Variants in DNAH3 observed in about 807,000 individuals in gnomAD.
DNAH3 encodes the protein axonemal beta dynein heavy chain 3.
DNAH3 carries 332 observed loss-of-function variants against 432.5 expected under a neutral mutation model. That is an observed-to-expected ratio of 0.77 (90% confidence interval 0.70 to 0.84). The LOEUF (loss-of-function observed/expected upper bound fraction) is 0.84. Among genes scored for constraint, DNAH3 ranks in the 40% least tolerant of loss-of-function variants. The probability of loss-of-function intolerance (pLI) is 0.00; values close to 1 mark genes in which losing one functional copy is unlikely to be tolerated. For synonymous variants in DNAH3, 1,956 were observed against 1,900.2 expected (o/e 1.03, Z -0.76); for missense variants, 4,861 against 5,114.0 (o/e 0.95, Z 1.51).
At chr16:20,988,960 C>A (rs968032868) in intron 44 of DNAH3, among the ~76,000 whole-genome samples, 7 of 152,140 alleles carry the variant, frequency 4.6e-5, no homozygotes, top group African/African-American at 1.7e-4. Context: ...GACTCGTGGT[C>A]TCGCTGGCTT....
At chr16:20,973,734 C>T (rs942733907) in intron 51 of DNAH3, among the ~76,000 whole-genome samples, 4 of 152,230 alleles carry the variant, frequency 2.6e-5, no homozygotes, top group Non-Finnish European at 5.9e-5. Flanking sequence ...CAAGAATCAC[C>T]TTCAAGCGGG....
At chr16:21,045,594 T>C (rs2089657314) in intron 31 of DNAH3, among the ~76,000 whole-genome samples, 1 of 148,742 alleles carries the variant, frequency 6.7e-6, no homozygotes, top group Non-Finnish European at 1.5e-5. Flanking sequence ...GCTAGCAGTC[T>C]ATCAATTTTG....
intron 6 of DNAH3, among the ~76,000 whole-genome samples, chr16:21,135,138 G>C (rs938153595): frequency 6.6e-6 from 1 of 152,044 alleles, no homozygotes; most frequent in African/African-American, 2.4e-5. Context: ...GTGACTTCAC[G>C]GTGTGGAGCA....
intron 54 of DNAH3, among the ~76,000 whole-genome samples, chr16:20,957,934 T>C (rs1278699279): frequency 6.6e-6 from 1 of 151,314 alleles, no homozygotes; most frequent in African/African-American, 2.4e-5. Flanking sequence ...AAACTGAGGT[T>C]TAGCTTTGTT....
chr16:21,062,768 G>T (rs1302373547), intron 24 of DNAH3, 85 bp from the exon 25 acceptor site: 20 of 1,007,732 alleles, frequency 2.0e-5, no homozygotes, highest in Non-Finnish European at 2.9e-5. Context: ...CAGGTAGTCC[G>T]CACCTACGTG....
intron 31 of DNAH3, among the ~76,000 whole-genome samples, chr16:21,047,738 G>A (rs1318190617): frequency 6.6e-5 from 10 of 152,068 alleles, no homozygotes; most frequent in Admixed American, 2.6e-4. Flanking sequence ...TTCCTTTGGA[G>A]GAGGAGAGGT....
chr16:21,026,660 C>T (rs550639475), intron 38 of DNAH3, among the ~76,000 whole-genome samples: 35 of 137,504 alleles, frequency 2.5e-4, no homozygotes, highest in African/African-American at 8.5e-4. Flanking sequence ...GAGATCATGC[C>T]ACGGGACTCC....
At chr16:21,144,238 T>A (rs1274152764) in intron 3 of DNAH3, among the ~76,000 whole-genome samples, 1 of 152,070 alleles carries the variant, frequency 6.6e-6, no homozygotes, top group Non-Finnish European at 1.5e-5. Flanking sequence ...AACTAGTGAC[T>A]CCTAACAAAT....
At chr16:20,982,182 G>A (rs569467125) in intron 49 of DNAH3, among the ~76,000 whole-genome samples, 9 of 151,868 alleles carry the variant, frequency 5.9e-5, no homozygotes, top group Non-Finnish European at 7.4e-5. Flanking sequence ...TCAGGAGTTC[G>A]AGACCACCCT....
intron 16 of DNAH3, 33 bp from the exon 17 acceptor site, chr16:21,098,802 CTT>C: frequency 1.3e-6 from 2 of 1,591,654 alleles, no homozygotes; most frequent in Non-Finnish European, 1.7e-6. Context: ...TACCTTTGGA[CTT>C]TGCATTTTGT....
chr16:21,120,664 G>T, intron 11 of DNAH3: 2 of 1,127,790 alleles, frequency 1.8e-6, no homozygotes, highest in Non-Finnish European at 2.7e-6. Context: ...ATTCACATAG[G>T]CCTTGTTTTC....
At chr16:20,933,358 A>C in exon 62 of DNAH3, 1 of 1,614,182 alleles carries the variant, frequency 6.2e-7, no homozygotes, top group Non-Finnish European at 8.5e-7. Context: ...GTTTCAGCCA[A>C]ATGATGGGCA....
chr16:21,150,181 C>CA (rs1349597699), intron 1 of DNAH3, 109 bp downstream of exon 2: 39 of 398,212 alleles, frequency 9.8e-5, no homozygotes, highest in African/African-American at 7.3e-4. Context: ...GCCGAGATCA[C>CA]ACCATTGCAC....
At chr16:21,035,163 C>G (rs2089101677) in intron 35 of DNAH3, among the ~76,000 whole-genome samples, 1 of 152,050 alleles carries the variant, frequency 6.6e-6, no homozygotes, top group Non-Finnish European at 1.5e-5. Context: ...CCCATGTCTA[C>G]TAAAAATACA....
At chr16:21,083,276 A>G (rs1223651147) in intron 19 of DNAH3, among the ~76,000 whole-genome samples, 1 of 152,184 alleles carries the variant, frequency 6.6e-6, no homozygotes, top group Admixed American at 6.5e-5. Flanking sequence ...TCGGCCTCCC[A>G]AAGTGTTGGG....
chr16:21,087,210 G>T, intron 18 of DNAH3, 150 bp from the exon 19 acceptor site: 1 of 673,070 alleles, frequency 1.5e-6, no homozygotes, highest in Non-Finnish European at 2.6e-6. Context: ...CACTTAGCCA[G>T]TGGAACCTTA....
At chr16:21,137,842 T>A (rs907210077) in intron 5 of DNAH3, among the ~76,000 whole-genome samples, 7 of 152,246 alleles carry the variant, frequency 4.6e-5, no homozygotes, top group African/African-American at 1.7e-4. Flanking sequence ...ATTTAGGGTT[T>A]GCCTCTGAGC....
intron 18 of DNAH3, among the ~76,000 whole-genome samples, chr16:21,094,602 C>T (rs564072774): frequency 2.1e-5 from 3 of 146,106 alleles, no homozygotes; most frequent in East Asian, 2.0e-4. Flanking sequence ...ACCCAGGAGG[C>T]GGAGGCTGCA....
At chr16:20,949,534 T>C (rs1037145577) in intron 56 of DNAH3, among the ~76,000 whole-genome samples, 7 of 152,152 alleles carry the variant, frequency 4.6e-5, no homozygotes, top group African/African-American at 1.7e-4. Flanking sequence ...TAAAAAATAG[T>C]ATATATGGGG....
Sources: gnomAD v4.1 joint callset for allele counts (sites outside exome capture counted in the v4.1 genomes callset) on GRCh38, gnomAD v4.1.1 for gene constraint, MANE v1.5 for transcripts, NCBI Gene and HGNC (gene_info 2026-07-23, HGNC 2026-07-21) for gene names.